The following ZNF324B variants were observed in gnomAD, a reference collection of about 807,000 sequenced individuals.
The protein encoded by ZNF324B is zinc finger protein 324B.
In ZNF324B, 7 loss-of-function variants were observed where a neutral mutation model predicts 10.6. The ratio of observed to expected loss-of-function variants is 0.66; its 90% CI spans 0.38 to 1.24. ZNF324B has a LOEUF of 1.24. ZNF324B is among the 50% of genes most tolerant of loss of function. The pLI is 0.02. For missense variants in ZNF324B, 640 were observed against 764.7 expected (o/e 0.84, Z 1.92); for synonymous variants, 316 against 321.0 (o/e 0.98, Z 0.17).
intron 3 of ZNF324B, chr19:58,454,873 G>A (rs1599982322): frequency 3.6e-6 from 2 of 552,952 alleles, no homozygotes; most frequent in East Asian, 6.5e-5. Context: ...GCTATGGAAA[G>A]GGAGGGGGTG....
chr19:58,456,572 A>T lies in ZNF324B; in HGVS notation c.1628A>T (p.Lys543Met), dbSNP rs201804306. The change falls in exon 4 of 4, where the codon AAG (lysine) becomes ATG (methionine). Residue 543 changes from lysine (K) to methionine (M), a missense_variant. By Grantham distance (95) the Lys-to-Met change is moderately conservative (BLOSUM62 -1). This residue lies in a region of ZNF324B where 238 missense variants were observed against 258.0 expected (regional missense o/e 0.92). Transcript: ENST00000336614. This position sits in a 1 kb window ranked among gnomAD's most constrained non-coding sequence, Gnocchi z 4.7. Reference protein sequence around the residue: ...GKPSPVLKPAKV With the variant: ...GKPSPVLKPAMV ...CCAAGCCCAGTCCTGAAGCCAGCGAAGGTCTGAGGTCACAGGTCGCAGCCC... is the reference window on the plus strand; with the variant it reads ...CCAAGCCCAGTCCTGAAGCCAGCGATGGTCTGAGGTCACAGGTCGCAGCCC... 185 of 1,613,116 alleles carry T rather than the reference A, an allele frequency of 1.1e-4. 1 individual carries two copies. The East Asian group carries it at 4.0e-3, about 35-fold the overall frequency.
At chr19:58,421,231 C>T in the ZNF324B span, among the ~76,000 whole-genome samples, 504 of 152,184 alleles carry the variant, frequency 3.3e-3, 3 homozygotes, top group Non-Finnish European at 3.8e-3. Context: ...AGAGTCCCAT[C>T]TGCCTCCTAC....
chr19:58,451,769 C>G, intron 1 of ZNF324B, 65 bp downstream of exon 1: 1 of 347,572 alleles, frequency 2.9e-6, no homozygotes, highest in Non-Finnish European at 5.5e-6. Context: ...ACGTGGTCGG[C>G]CCGGGGGCGG....
the ZNF324B span, chr19:58,442,714 T>A: frequency 6.6e-6 from 1 of 152,346 alleles, no homozygotes; most frequent in Non-Finnish European, 1.5e-5. Flanking sequence ...CAATGAGTGT[T>A]ACAGCTCGTA....
chr19:58,455,051 G>C lies in ZNF324B; in HGVS notation c.239-132G>C. The C allele has an allele frequency of 7.8e-7, 1 of 1,273,898 alleles. No individual in the cohort carries two copies. The highest frequency in any genetic ancestry group is 1.1e-6 in the Non-Finnish European group (1 of 881,754). 78.9% of individuals were successfully genotyped at this position (1,273,898 alleles called of 1,614,324 possible). ...TCCAAACCCCAGCCCCTCCTGCAGAGCCAGCCTCACCTCTTCTTTTTCCCT... is the reference window on the plus strand; with the variant it reads ...TCCAAACCCCAGCCCCTCCTGCAGACCCAGCCTCACCTCTTCTTTTTCCCT... On this transcript the variant is annotated intron_variant, in intron 3 of 3. Coordinates refer to ENST00000336614, the MANE Select transcript of ZNF324B (RefSeq NM_207395.3). The surrounding 1 kb of genome is among the most constrained non-coding windows in gnomAD (Gnocchi z 7.0).
rs751204825 is a variant in ZNF324B at position 58,454,276 on chromosome 19, A to G, written c.170A>G (p.Glu57Gly). 3.1e-6 allele frequency: 5 copies of G among 1,613,906 alleles called. No homozygotes were observed. The Admixed American group carries it at 8.3e-5, about 27-fold the overall frequency. ...PRVVIQLERGEEPWVPSGKDM... is the reference protein window; with the variant it reads ...PRVVIQLERGGEPWVPSGKDM... ...GTGGTCATTCAACTTGAGCGTGGCG[A>G]GGAGCCCTGGGTTCCCAGTGGAAAG... The change falls in exon 3 of 4, where the codon GAG (glutamate) becomes GGG (glycine). Residue 57 changes from glutamate (E) to glycine (G), a missense_variant. By Grantham distance (98) the Glu-to-Gly change is moderately conservative. Around this residue, in one of 3 missense-constraint regions of ZNF324B, gnomAD observed 345 missense variants for 387.9 expected, o/e 0.89. Coordinates refer to ENST00000336614, the MANE Select transcript of ZNF324B (RefSeq NM_207395.3).
At chr19:58,437,389 C>T in the ZNF324B span, among the ~76,000 whole-genome samples, 4 of 152,170 alleles carry the variant, frequency 2.6e-5, no homozygotes, top group African/African-American at 9.7e-5. Context: ...CTAACATGCC[C>T]TGGAATTAAT....
chr19:58,427,403 TTTCC>T, the ZNF324B span, among the ~76,000 whole-genome samples: 1 of 46,540 alleles, frequency 2.1e-5, no homozygotes, highest in East Asian at 5.7e-4. Context: ...TCTTTCTTTC[TTTCC>T]TTCCTTCCTT....
the ZNF324B span, among the ~76,000 whole-genome samples, chr19:58,427,487 T>TTCC: frequency 8.5e-6 from 1 of 117,254 alleles, no homozygotes; most frequent in Non-Finnish European, 1.7e-5. Context: ...CCTTCCTTCC[T>TTCC]TCCTTCCTTT....
the ZNF324B span, chr19:58,433,440 A>G: frequency 2.3e-5 from 37 of 1,613,946 alleles, no homozygotes; most frequent in East Asian, 4.9e-4. Context: ...GAACAAGTGT[A>G]GATCTTTCAC....
chr19:58,445,684 G>A, the ZNF324B span: 4 of 343,604 alleles, frequency 1.2e-5, no homozygotes, highest in Admixed American at 4.0e-5. Flanking sequence ...GCATGGTAAC[G>A]CCCATCTGTA....
chr19:58,450,342 G>A (rs1160516929), upstream of ZNF324B, among the ~76,000 whole-genome samples: 1 of 151,968 alleles, frequency 6.6e-6, no homozygotes, highest in African/African-American at 2.4e-5. Flanking sequence ...GCTCCTGCCT[G>A]TAGTTCCAGC....
At chr19:58,426,426 T>G in the ZNF324B span, among the ~76,000 whole-genome samples, 11 of 152,300 alleles carry the variant, frequency 7.2e-5, no homozygotes, top group Admixed American at 1.3e-4. Flanking sequence ...GTGGACACTG[T>G]GAGACAGATT....
chr19:58,435,831 C>G, the ZNF324B span: 1 of 152,500 alleles, frequency 6.6e-6, no homozygotes, highest in African/African-American at 2.4e-5. Context: ...GTCTCAAACT[C>G]CTGGGCTCAA....
In ZNF324B at chr19:58,456,596, C is replaced by A; in HGVS notation, c.*17C>A. 6.2e-7 allele frequency: 1 copy of A among 1,605,894 alleles called. No homozygotes were observed. The highest frequency in any genetic ancestry group is 8.5e-7 in the Non-Finnish European group (1 of 1,175,184). On this transcript the variant is annotated 3_prime_UTR_variant, in exon 4 of 4. Coordinates refer to ENST00000336614, the MANE Select transcript of ZNF324B (RefSeq NM_207395.3). This position sits in a 1 kb window ranked among gnomAD's most constrained non-coding sequence, Gnocchi z 4.7. ...AAGGTCTGAGGTCACAGGTCGCAGCCCAACCCTTTCTTGGCCTTCTGTGAA... is the reference window on the plus strand; with the variant it reads ...AAGGTCTGAGGTCACAGGTCGCAGCACAACCCTTTCTTGGCCTTCTGTGAA...
intron 1 of ZNF324B, chr19:58,452,631 T>G (rs1568603062): frequency 8.0e-6 from 7 of 872,980 alleles, no homozygotes; most frequent in Non-Finnish European, 8.2e-6. Flanking sequence ...GAAAGCAGGT[T>G]TCCTTCAGGG....
the ZNF324B span, chr19:58,419,110 A>G: frequency 6.6e-6 from 1 of 152,178 alleles, no homozygotes; most frequent in Non-Finnish European, 1.5e-5. Flanking sequence ...TGAGTCCTCC[A>G]GGGAAAGACT....
the ZNF324B span, chr19:58,435,176 G>A: frequency 1.9e-6 from 3 of 1,614,036 alleles, no homozygotes; most frequent in Non-Finnish European, 2.5e-6. Flanking sequence ...TTCTGCTTGG[G>A]ATGGGCCCCC....
chr19:58,439,206 A>G, the ZNF324B span, among the ~76,000 whole-genome samples: 1 of 152,168 alleles, frequency 6.6e-6, no homozygotes, highest in Non-Finnish European at 1.5e-5. Context: ...TACCCAAAGC[A>G]CACATCTGGA....
Sources: gnomAD v4.1 joint callset for allele counts (sites outside exome capture counted in the v4.1 genomes callset) on GRCh38, gnomAD v4.1.1 for gene constraint, gnomAD v4.1.1 regional missense constraint, Gnocchi (gnomAD v3.1) non-coding constraint, MANE v1.5 for transcripts, NCBI Gene and HGNC (gene_info 2026-07-23, HGNC 2026-07-21) for gene names.